PLEKHA5: variants seen among roughly 807,000 people sequenced by gnomAD.
PLEKHA5 encodes pleckstrin homology domain containing A5.
PLEKHA5 carries 55 observed loss-of-function variants against 181.9 expected under a neutral mutation model. The observed-to-expected ratio is 0.30, with a 90% CI of 0.24 to 0.38. The LOEUF (loss-of-function observed/expected upper bound fraction) is 0.38, where lower values mean the gene tolerates loss of function less well. PLEKHA5 is among the 10% of genes least tolerant of loss of function. The pLI is 1.00. For missense variants in PLEKHA5, 1,432 were observed against 1,549.5 expected, an observed-to-expected ratio of 0.92 and a Z score of 1.27; for synonymous variants, 535 against 529.4, an observed-to-expected ratio of 1.01 and a Z score of -0.15.
At chr12:19,261,081 G>C in intron 7 of PLEKHA5, 60 bp downstream of exon 7, 1 of 878,002 alleles carries the variant, frequency 1.1e-6, no homozygotes, top group East Asian at 2.5e-5. Flanking sequence ...TATAAGTTAA[G>C]TATCAGATAC....
chr12:19,316,481 C>T (rs1229442763), intron 16 of PLEKHA5, among the ~76,000 whole-genome samples: 6 of 151,988 alleles, frequency 3.9e-5, no homozygotes, highest in Non-Finnish European at 5.9e-5. Flanking sequence ...CATCACTGAC[C>T]TTGAATACCG....
intron 15 of PLEKHA5, among the ~76,000 whole-genome samples, chr12:19,297,064 A>G (rs999492414): frequency 6.6e-6 from 1 of 152,160 alleles, no homozygotes; most frequent in Admixed American, 6.5e-5. Flanking sequence ...CAGGTGAGAT[A>G]TTAGGAACTG....
chr12:19,192,726 G>T (rs971226729), intron 3 of PLEKHA5, among the ~76,000 whole-genome samples: 2 of 151,974 alleles, frequency 1.3e-5, no homozygotes, highest in African/African-American at 4.8e-5. Context: ...AAAAAGAAAA[G>T]AATTTATTCT....
chr12:19,257,025 T>C (rs371479784), intron 5 of PLEKHA5, among the ~76,000 whole-genome samples: 1 of 152,180 alleles, frequency 6.6e-6, no homozygotes, highest in Admixed American at 6.5e-5. Context: ...TAACTTTCTT[T>C]AATTGAACCT....
At chr12:19,143,406 G>GT (rs1385069892) in intron 3 of PLEKHA5, among the ~76,000 whole-genome samples, 1 of 152,032 alleles carries the variant, frequency 6.6e-6, no homozygotes, top group African/African-American at 2.4e-5. Context: ...AATGTTAAGT[G>GT]TTTTTTTCTT....
At chr12:19,173,166 GGCGCCCGCCACC>G (rs1248806946) in intron 3 of PLEKHA5, among the ~76,000 whole-genome samples, 5 of 149,668 alleles carry the variant, frequency 3.3e-5, no homozygotes, top group Non-Finnish European at 5.9e-5. Context: ...TGGGACTACA[GGCGCCCGCCACC>G]GCGCCCGGCT....
In PLEKHA5 at chr12:19,200,595, A is replaced by C. The variant is rs549401577; in HGVS notation, c.228-53345A>C. On this transcript the variant is annotated intron_variant, in intron 3 of 31. Coordinates refer to ENST00000429027, the MANE Select transcript of PLEKHA5 (RefSeq NM_001256470.2). ...TCATACCTTGGAGAAGAAAGTAGAA[A>C]CTATCAGGCCTGAACTTCATTAGCT... 2.0e-5 allele frequency: 24 copies of C among 1,191,602 alleles called. No homozygotes were observed. In the Admixed American group the frequency reaches 3.7e-4, roughly 18 times the overall value. 73.8% of individuals were successfully genotyped at this position (1,191,602 alleles called of 1,614,324 possible).
intron 3 of PLEKHA5, among the ~76,000 whole-genome samples, chr12:19,175,080 A>G (rs114026975): frequency 1.3e-5 from 2 of 152,216 alleles, no homozygotes; most frequent in African/African-American, 2.4e-5. Flanking sequence ...TTTTTAGAAG[A>G]CAGCTGGAAT....
At chr12:19,281,300 A>G (rs1245712960) in intron 11 of PLEKHA5, among the ~76,000 whole-genome samples, 5 of 151,746 alleles carry the variant, frequency 3.3e-5, no homozygotes, top group African/African-American at 1.2e-4. Context: ...AAGGAAATGG[A>G]GGCCAGGCGC....
chr12:19,259,086 GT>G (rs2067644411), intron 6 of PLEKHA5, among the ~76,000 whole-genome samples: 1 of 152,082 alleles, frequency 6.6e-6, no homozygotes, highest in Non-Finnish European at 1.5e-5. Flanking sequence ...GCCTAGTACA[GT>G]GGTTCACGCC....
intron 3 of PLEKHA5, among the ~76,000 whole-genome samples, chr12:19,178,870 A>G (rs149473056): frequency 2.4e-4 from 36 of 152,348 alleles, no homozygotes; most frequent in African/African-American, 8.2e-4. Context: ...TAGAAGTAGA[A>G]ATATTTATAG....
rs1414208350 is a variant in PLEKHA5, at chr12:19,283,882, T to C, written c.1779+137T>C. The C allele has an allele frequency of 1.7e-5, 10 of 602,620 alleles. 1 individual carries two copies. Among genetic ancestry groups the C allele is most frequent in the South Asian group, 4.4e-5 (2 of 45,634 alleles). The allele number at this position is 602,620 out of a possible 1,614,324, so 37.3% of individuals were successfully genotyped here. A position where few individuals can be genotyped will look rare whatever the true frequency, so the allele number is the denominator to read the frequency against. On this transcript the variant is annotated intron_variant, in intron 12 of 31. Transcript: ENST00000429027. Reference sequence around the variant, plus strand: ...GGCAGCTCTTTTTTGTTTTAAAAAATAAATAAAAATATTTTACAACATTAA... The same window carrying C: ...GGCAGCTCTTTTTTGTTTTAAAAAACAAATAAAAATATTTTACAACATTAA...
chr12:19,281,319 G>A (rs558370350), intron 11 of PLEKHA5, among the ~76,000 whole-genome samples: 1 of 152,100 alleles, frequency 6.6e-6, no homozygotes, highest in South Asian at 2.1e-4. Context: ...GCTCACTCCT[G>A]TAATCCTGGC....
At chr12:19,138,227 A>G (rs2036243694) in intron 3 of PLEKHA5, among the ~76,000 whole-genome samples, 1 of 152,124 alleles carries the variant, frequency 6.6e-6, no homozygotes, top group Non-Finnish European at 1.5e-5. Context: ...ATAAGATGAA[A>G]TTAAGGGTGA....
At chr12:19,260,722 T>C (rs909433967) in intron 6 of PLEKHA5, among the ~76,000 whole-genome samples, 7 of 151,902 alleles carry the variant, frequency 4.6e-5, no homozygotes, top group Non-Finnish European at 1.0e-4. Flanking sequence ...TAACCTGGCA[T>C]GGTGGCAGGC....
intron 30 of PLEKHA5, among the ~76,000 whole-genome samples, chr12:19,367,047 G>A (rs10841217): frequency 0.65 from 98,339 of 151,448 alleles, 33,419 homozygotes; most frequent in Non-Finnish European, 0.76. Flanking sequence ...CACCACACCC[G>A]GCTAATTTTT....
intron 26 of PLEKHA5, among the ~76,000 whole-genome samples, chr12:19,355,344 CTTTTTTTTTTTTT>C: frequency 1.1e-5 from 1 of 94,010 alleles, no homozygotes; most frequent in Admixed American, 1.2e-4. Context: ...TATGGCTAGT[CTTTTTTTTTTTTT>C]TTTTTTTTTC....
At chr12:19,295,301 C>T (rs2079479554) in intron 15 of PLEKHA5, among the ~76,000 whole-genome samples, 1 of 152,196 alleles carries the variant, frequency 6.6e-6, no homozygotes, top group South Asian at 2.1e-4. Context: ...TCCTAAAATG[C>T]ATGTACTGAA....
chr12:19,322,666 C>T lies in PLEKHA5; in HGVS notation c.2447C>T (p.Ala816Val), dbSNP rs1343395564. 2 of 1,599,476 alleles carry T rather than the reference C, an allele frequency of 1.3e-6. No individual in the cohort carries two copies. The highest frequency in any genetic ancestry group is 1.7e-6 in the Non-Finnish European group (2 of 1,174,390). The change falls in exon 20 of 32, where the codon GCC (alanine) becomes GTC (valine). Residue 816 changes from alanine (A) to valine (V), a missense_variant and splice_region_variant. This residue lies in a region of PLEKHA5 where 1,143 missense variants were observed against 1,168.4 expected (regional missense o/e 0.98). Transcript: ENST00000429027. ...STCRELSRAT[A>V]ELERAWREYD... ...TGTCGAGAACTTTCTCGAGCCACTG[C>T]CGTAAGTAGATTTTTTTTTTCCCCT... is the stretch of plus-strand genomic sequence containing the variant.
Sources: allele counts gnomAD v4.1 joint callset (sites outside exome capture counted in the v4.1 genomes callset), GRCh38; gene constraint gnomAD v4.1.1; regional missense constraint gnomAD v4.1.1; transcripts MANE v1.5; gene names NCBI Gene and HGNC (gene_info 2026-07-23, HGNC 2026-07-21).